Variants in TAOK3 observed in about 807,000 individuals in gnomAD.
The protein encoded by TAOK3 is TAO kinase 3.
Under a neutral mutation model 120.4 loss-of-function variants are expected in TAOK3, and 40 were observed. The ratio of observed to expected loss-of-function variants is 0.33; its 90% CI spans 0.26 to 0.43. The LOEUF is 0.43. TAOK3 is among the 20% of genes least tolerant of loss of function. The probability of loss-of-function intolerance (pLI) is 1.00; values close to 1 mark genes in which losing one functional copy is unlikely to be tolerated. For synonymous variants in TAOK3, 355 were observed against 387.5 expected (o/e 0.92, Z 0.99); for missense variants, 821 against 1,112.1 (o/e 0.74, Z 3.72).
At chr12:118,331,912 C>T (rs531194955) in intron 1 of TAOK3, among the ~76,000 whole-genome samples, 43 of 151,692 alleles carry the variant, frequency 2.8e-4, no homozygotes, top group African/African-American at 9.7e-4. Context: ...CTGCAACCTC[C>T]GCCTCCTGGG....
At chr12:118,159,743 T>TA in intron 19 of TAOK3, 1 of 249,838 alleles carries the variant, frequency 4.0e-6, no homozygotes. Context: ...TGCATGAGTG[T>TA]GTCTGTGTAT....
intron 15 of TAOK3, among the ~76,000 whole-genome samples, chr12:118,180,840 T>A (rs2036669651): frequency 1.3e-5 from 2 of 151,836 alleles, no homozygotes; most frequent in South Asian, 2.1e-4. Context: ...AGAATATACA[T>A]AAGTATAATT....
chr12:118,334,885 A>G (rs1401461919), intron 1 of TAOK3, among the ~76,000 whole-genome samples: 2 of 146,624 alleles, frequency 1.4e-5, no homozygotes, highest in African/African-American at 2.5e-5. Context: ...TCCGTCTCCA[A>G]AAAAAAAAAA....
At chr12:118,364,898 C>CT (rs1222922550) in intron 1 of TAOK3, among the ~76,000 whole-genome samples, 2 of 152,312 alleles carry the variant, frequency 1.3e-5, no homozygotes, top group South Asian at 4.1e-4. Flanking sequence ...GAGCAAAACT[C>CT]TATTTCAAAA....
intron 12 of TAOK3, chr12:118,199,900 A>C (rs1278843609): frequency 1.3e-5 from 2 of 152,454 alleles, no homozygotes; most frequent in Non-Finnish European, 2.9e-5. Context: ...CCCAAAGACT[A>C]CTATTTGAAA....
intron 3 of TAOK3, chr12:118,246,832 A>G: frequency 7.8e-7 from 1 of 1,284,600 alleles, no homozygotes; most frequent in East Asian, 2.3e-5. Flanking sequence ...ACCTACAGCT[A>G]CCTGACCCCC....
chr12:118,171,151 C>A (rs1463451673), intron 17 of TAOK3, among the ~76,000 whole-genome samples: 1 of 152,232 alleles, frequency 6.6e-6, no homozygotes, highest in Non-Finnish European at 1.5e-5. Context: ...GAAGTCACTT[C>A]TGACTTCCTC....
At chr12:118,220,019 C>T (rs1250245511) in intron 9 of TAOK3, among the ~76,000 whole-genome samples, 3 of 151,594 alleles carry the variant, frequency 2.0e-5, no homozygotes, top group Admixed American at 1.3e-4. Flanking sequence ...CATCCTTCTA[C>T]CTCACCCTCC....
chr12:118,297,349 T>A (rs1745926257), intron 1 of TAOK3, among the ~76,000 whole-genome samples: 1 of 152,236 alleles, frequency 6.6e-6, no homozygotes, highest in South Asian at 2.1e-4. Context: ...GGCCCTTCCT[T>A]ACTTAATTTC....
chr12:118,217,797 ATGTG>A (rs1173463113), intron 9 of TAOK3, among the ~76,000 whole-genome samples: 23 of 65,264 alleles, frequency 3.5e-4, no homozygotes, highest in African/African-American at 9.4e-4. Context: ...GTATGTATGT[ATGTG>A]TGTGTGTGTG....
chr12:118,347,730 ATC>A (rs1329779790), intron 1 of TAOK3, among the ~76,000 whole-genome samples: 1 of 152,114 alleles, frequency 6.6e-6, no homozygotes, highest in Non-Finnish European at 1.5e-5. Context: ...TCTCTCATTT[ATC>A]TGATTCACTC....
chr12:118,338,421 T>A (rs2044455057), intron 1 of TAOK3, among the ~76,000 whole-genome samples: 1 of 152,196 alleles, frequency 6.6e-6, no homozygotes, highest in South Asian at 2.1e-4. Context: ...AATGAATGAT[T>A]GCATCAATCA....
chr12:118,182,597 G>GTATA (rs1291003929), intron 14 of TAOK3, among the ~76,000 whole-genome samples: 124 of 77,462 alleles, frequency 1.6e-3, no homozygotes, highest in African/African-American at 5.3e-3. Context: ...GTGTGTGTGT[G>GTATA]TGTATATATA....
intron 13 of TAOK3, chr12:118,190,692 G>C (rs2037388086): frequency 6.6e-6 from 1 of 152,222 alleles, no homozygotes; most frequent in Non-Finnish European, 1.5e-5. Context: ...GTCCTTGACT[G>C]ATTTAATCAA....
At chr12:118,233,602 A>G (rs113000162) in intron 9 of TAOK3, 72 bp downstream of exon 9, 3 of 1,183,918 alleles carry the variant, frequency 2.5e-6, no homozygotes, top group African/African-American at 1.5e-5. Flanking sequence ...TGATTCTTAA[A>G]AATACAATGA....
intron 1 of TAOK3, among the ~76,000 whole-genome samples, chr12:118,305,068 T>G (rs1022445318): frequency 1.3e-5 from 2 of 152,222 alleles, no homozygotes; most frequent in African/African-American, 4.8e-5. Context: ...AGTTTCCTCA[T>G]CTGTACAAAG....
intron 9 of TAOK3, among the ~76,000 whole-genome samples, chr12:118,220,793 A>G (rs1186903258): frequency 6.6e-6 from 1 of 152,096 alleles, no homozygotes; most frequent in African/African-American, 2.4e-5. Flanking sequence ...ATGGTAGAAG[A>G]AATAATTTTA....
chr12:118,312,308 A>T (rs973933696), intron 1 of TAOK3, among the ~76,000 whole-genome samples: 1 of 152,154 alleles, frequency 6.6e-6, no homozygotes, highest in African/African-American at 2.4e-5. Flanking sequence ...ATTAAAAAAA[A>T]ATCTAGTCCC....
At chr12:118,356,292 T>C (rs2045388283) in intron 1 of TAOK3, among the ~76,000 whole-genome samples, 1 of 145,526 alleles carries the variant, frequency 6.9e-6, no homozygotes, top group Non-Finnish European at 1.5e-5. Context: ...ATTTGGTCAC[T>C]TTCTTTTTTT....
Sources: allele counts gnomAD v4.1 joint callset (sites outside exome capture counted in the v4.1 genomes callset), GRCh38; gene constraint gnomAD v4.1.1; transcripts MANE v1.5; gene names NCBI Gene and HGNC (gene_info 2026-07-23, HGNC 2026-07-21).